Variants in TTC29 observed in about 807,000 individuals in gnomAD.
TTC29 encodes tetratricopeptide repeat domain 29.
A neutral mutation model predicts 58.1 loss-of-function variants in TTC29; 49 were observed. That is an observed-to-expected ratio of 0.84 (90% confidence interval 0.67 to 1.07). The LOEUF (loss-of-function observed/expected upper bound fraction) is 1.07, where lower values mean the gene tolerates loss of function less well. Ranked by LOEUF, TTC29 falls within the 50% of genes least tolerant of loss-of-function variation. TTC29 has a pLI of 0.00. For synonymous variants in TTC29, 209 were observed against 196.8 expected (o/e 1.06, Z -0.52); for missense variants, 582 against 555.6 (o/e 1.05, Z -0.48).
intron 11 of TTC29, among the ~76,000 whole-genome samples, chr4:146,780,398 T>A (rs1748506648): frequency 6.6e-6 from 1 of 151,588 alleles, no homozygotes; most frequent in Non-Finnish European, 1.5e-5. Flanking sequence ...TCTTATTTTT[T>A]AAAATGCCTA....
chr4:146,777,770 CTTGAG>C (rs1211493272), intron 11 of TTC29, among the ~76,000 whole-genome samples: 1 of 152,114 alleles, frequency 6.6e-6, no homozygotes, highest in Non-Finnish European at 1.5e-5. Context: ...CTTTAGAGTC[CTTGAG>C]TTATCAAATT....
At chr4:146,845,547 G>T (rs183539465) in intron 8 of TTC29, among the ~76,000 whole-genome samples, 41 of 152,230 alleles carry the variant, frequency 2.7e-4, no homozygotes, top group Non-Finnish European at 5.1e-4. Context: ...ACTAAAGATG[G>T]TGGTGGCAAA....
At chr4:146,860,176 T>C (rs943236970) in intron 8 of TTC29, among the ~76,000 whole-genome samples, 2 of 152,140 alleles carry the variant, frequency 1.3e-5, no homozygotes, top group African/African-American at 4.8e-5. Context: ...GTAAACTATA[T>C]ACAGAAAGCA....
intron 8 of TTC29, among the ~76,000 whole-genome samples, chr4:146,854,269 T>C (rs900155954): frequency 6.6e-6 from 1 of 152,064 alleles, no homozygotes; most frequent in African/African-American, 2.4e-5. Context: ...AGGTATTGAG[T>C]TCAACGGTGC....
intron 2 of TTC29, among the ~76,000 whole-genome samples, chr4:146,944,813 TA>T (rs74915407): frequency 0.47 from 69,887 of 148,910 alleles, 16,773 homozygotes; most frequent in African/African-American, 0.59. Flanking sequence ...GCTCCCTAAG[TA>T]AAAAAAAAAA....
chr4:146,845,817 TCACACACACACACA>T (rs112302644), intron 8 of TTC29, among the ~76,000 whole-genome samples: 1 of 148,884 alleles, frequency 6.7e-6, no homozygotes, highest in African/African-American at 2.5e-5. Flanking sequence ...GTACACACAA[TCACACACACACACA>T]CACACACACA....
At chr4:146,895,801 C>T (rs559818154) in intron 6 of TTC29, among the ~76,000 whole-genome samples, 2 of 152,208 alleles carry the variant, frequency 1.3e-5, no homozygotes, top group African/African-American at 4.8e-5. Context: ...TCAATAAACC[C>T]CATCATTTTC....
chr4:146,854,803 T>C (rs1579836243), intron 8 of TTC29, among the ~76,000 whole-genome samples: 1 of 152,196 alleles, frequency 6.6e-6, no homozygotes. Context: ...CTTTCTAATG[T>C]TTTGCCTCAA....
At chr4:146,880,857 C>T (rs543541220) in intron 6 of TTC29, among the ~76,000 whole-genome samples, 3 of 151,886 alleles carry the variant, frequency 2.0e-5, no homozygotes, top group Admixed American at 1.3e-4. Context: ...CTGATGCTTG[C>T]GCCCGTAAGC....
intron 6 of TTC29, among the ~76,000 whole-genome samples, chr4:146,894,589 G>A (rs1275362252): frequency 6.6e-6 from 1 of 151,386 alleles, no homozygotes; most frequent in East Asian, 1.9e-4. Context: ...TAAATGACGA[G>A]TTAATGGGTG....
chr4:146,752,819 T>A (rs1353120245), intron 11 of TTC29, among the ~76,000 whole-genome samples: 1 of 152,154 alleles, frequency 6.6e-6, no homozygotes, highest in Non-Finnish European at 1.5e-5. Flanking sequence ...CCCTATTTAA[T>A]AAATGGTGAT....
intron 11 of TTC29, among the ~76,000 whole-genome samples, chr4:146,788,328 C>A (rs1370070922): frequency 6.6e-6 from 1 of 152,206 alleles, no homozygotes; most frequent in Non-Finnish European, 1.5e-5. Flanking sequence ...CTGTGACAGG[C>A]TTTGCTATAG....
At chr4:146,911,647 C>CTT (rs1407258560) in intron 4 of TTC29, among the ~76,000 whole-genome samples, 3 of 152,192 alleles carry the variant, frequency 2.0e-5, no homozygotes, top group Admixed American at 1.3e-4. Context: ...CTGGGGTTAT[C>CTT]TTGACTTTCC....
rs929067066 is a variant in TTC29, at chr4:146,796,927, A to G, written c.1330+6530T>C. On this transcript the variant is annotated intron_variant, in intron 11 of 12. Transcript: ENST00000325106. ...CCCCTTTGTGCAGTAGGCTGTGATGATCTGGGGCCCCAAAATACCCAGTAT... is the reference window on the plus strand; with the variant it reads ...CCCCTTTGTGCAGTAGGCTGTGATGGTCTGGGGCCCCAAAATACCCAGTAT... 4.6e-5 allele frequency among the ~76,000 whole-genome samples: 7 copies of G among 152,248 alleles called. No individual in the cohort carries two copies. In the East Asian group the frequency reaches 1.4e-3, roughly 29 times the overall value.
At chr4:146,876,273 C>T (rs1184796673) in intron 6 of TTC29, among the ~76,000 whole-genome samples, 8 of 152,130 alleles carry the variant, frequency 5.3e-5, no homozygotes, top group Non-Finnish European at 1.0e-4. Flanking sequence ...TCAATTGGTA[C>T]AGTAATAATA....
chr4:146,821,192 G>A (rs1751793743), intron 9 of TTC29, among the ~76,000 whole-genome samples: 2 of 152,114 alleles, frequency 1.3e-5, no homozygotes, highest in Admixed American at 6.6e-5. Context: ...GCTAGTGGTC[G>A]CTAGAGGCTG....
intron 11 of TTC29, among the ~76,000 whole-genome samples, chr4:146,783,552 C>T (rs776193974): frequency 1.2e-4 from 18 of 152,150 alleles, no homozygotes; most frequent in African/African-American, 3.1e-4. Context: ...GAATAATCTG[C>T]GATGCCTTAA....
chr4:146,795,622 A>G (rs1749780821), intron 11 of TTC29, among the ~76,000 whole-genome samples: 1 of 152,180 alleles, frequency 6.6e-6, no homozygotes, highest in African/African-American at 2.4e-5. Context: ...GGGACCATGA[A>G]TATATTTTTT....
chr4:146,930,083 G>GTATATATATATATATA (rs1560729760), intron 4 of TTC29, among the ~76,000 whole-genome samples: 4 of 25,116 alleles, frequency 1.6e-4, no homozygotes, highest in Admixed American at 5.3e-4. Flanking sequence ...ATGTGTGTGT[G>GTATATATATATATATA]CATATATATA....
Sources: allele counts gnomAD v4.1 joint callset (sites outside exome capture counted in the v4.1 genomes callset), GRCh38; gene constraint gnomAD v4.1.1; transcripts MANE v1.5; gene names NCBI Gene and HGNC (gene_info 2026-07-23, HGNC 2026-07-21).